PLPPR1: variants seen among roughly 807,000 people sequenced by gnomAD.
The protein encoded by PLPPR1 is phospholipid phosphatase-related protein type 1.
Under a neutral mutation model 33.1 loss-of-function variants are expected in PLPPR1, and 10 were observed. The observed-to-expected ratio is 0.30, with a 90% confidence interval of 0.19 to 0.51. The LOEUF (loss-of-function observed/expected upper bound fraction) is 0.51. PLPPR1 is among the 20% of genes least tolerant of loss of function. The pLI, the probability that PLPPR1 is intolerant of heterozygous loss-of-function variation, is 0.97. For synonymous variants in PLPPR1, 151 were observed against 151.0 expected, an observed-to-expected ratio of 1.00 and a Z score of 0.00; for missense variants, 304 against 408.1, an observed-to-expected ratio of 0.74 and a Z score of 2.20.
chr9:101,266,834 T>A (rs1828007315), intron 2 of PLPPR1, among the ~76,000 whole-genome samples: 1 of 152,194 alleles, frequency 6.6e-6, no homozygotes, highest in Non-Finnish European at 1.5e-5. Flanking sequence ...TATGTATAAG[T>A]TTTTGCTTTC....
At chr9:101,047,586 C>T (rs1830168952) in intron 1 of PLPPR1, among the ~76,000 whole-genome samples, 1 of 152,142 alleles carries the variant, frequency 6.6e-6, no homozygotes, top group African/African-American at 2.4e-5. Context: ...CCATCGTAAC[C>T]TTACAATGGT....
chr9:101,185,025 A>G (rs1826180332), intron 1 of PLPPR1: 1 of 152,402 alleles, frequency 6.6e-6, no homozygotes, highest in Non-Finnish European at 1.5e-5. Flanking sequence ...AGACCAGAGC[A>G]TAAACAGACA....
intron 4 of PLPPR1, among the ~76,000 whole-genome samples, chr9:101,307,925 G>A (rs1305910647): frequency 6.6e-6 from 1 of 152,276 alleles, no homozygotes; most frequent in East Asian, 1.9e-4. Flanking sequence ...CTTTCTCAGT[G>A]CATAGATGTA....
intron 1 of PLPPR1, among the ~76,000 whole-genome samples, chr9:101,037,740 A>G (rs1413513500): frequency 8.6e-5 from 13 of 150,902 alleles, no homozygotes; most frequent in African/African-American, 2.7e-4. Flanking sequence ...AAATAGAAAG[A>G]CCTTTTCATT....
intron 2 of PLPPR1, among the ~76,000 whole-genome samples, chr9:101,229,845 T>C (rs1827145468): frequency 6.6e-6 from 1 of 152,170 alleles, no homozygotes; most frequent in South Asian, 2.1e-4. Context: ...AGAGGCAATT[T>C]GACTATTGCC....
chr9:101,070,091 T>G (rs1347420405), intron 1 of PLPPR1, among the ~76,000 whole-genome samples: 1 of 152,106 alleles, frequency 6.6e-6, no homozygotes, highest in Non-Finnish European at 1.5e-5. Context: ...AGCAAATTAC[T>G]TTTGTCCCTA....
At chr9:101,217,706 A>G (rs1036902227) in intron 2 of PLPPR1, among the ~76,000 whole-genome samples, 10 of 152,230 alleles carry the variant, frequency 6.6e-5, no homozygotes, top group Non-Finnish European at 1.5e-4. Flanking sequence ...CCCATGAGCC[A>G]TAGTTTGTTG....
chr9:101,312,278 A>G (rs1828973470), intron 5 of PLPPR1, among the ~76,000 whole-genome samples: 1 of 149,530 alleles, frequency 6.7e-6, no homozygotes, highest in South Asian at 2.2e-4. Context: ...CTAACTCATC[A>G]GTCAACACTT....
intron 2 of PLPPR1, among the ~76,000 whole-genome samples, chr9:101,231,898 C>T (rs946162572): frequency 6.6e-6 from 1 of 152,000 alleles, no homozygotes; most frequent in Admixed American, 6.6e-5. Flanking sequence ...CATTATCTTC[C>T]TTACATATTT....
intron 1 of PLPPR1, among the ~76,000 whole-genome samples, chr9:101,055,612 T>G (rs1450929902): frequency 6.6e-6 from 1 of 152,248 alleles, no homozygotes. Flanking sequence ...CCCTTAGTAT[T>G]CTGCTTTAGA....
chr9:101,295,326 T>C (rs1249069928), intron 4 of PLPPR1, among the ~76,000 whole-genome samples: 9 of 151,800 alleles, frequency 5.9e-5, no homozygotes, highest in Non-Finnish European at 1.2e-4. Flanking sequence ...GGAAGAACAT[T>C]CCATGCTCAT....
At chr9:101,077,138 G>C (rs1279138776) in intron 1 of PLPPR1, among the ~76,000 whole-genome samples, 2 of 152,142 alleles carry the variant, frequency 1.3e-5, no homozygotes, top group Non-Finnish European at 2.9e-5. Context: ...GCCAAAGTTA[G>C]ACAGACTAAA....
intron 1 of PLPPR1, among the ~76,000 whole-genome samples, chr9:101,101,977 C>T (rs558373036): frequency 1.2e-4 from 18 of 152,146 alleles, no homozygotes; most frequent in African/African-American, 4.1e-4. Context: ...ATCACCTCTT[C>T]CATGCTGTTT....
intron 2 of PLPPR1, among the ~76,000 whole-genome samples, chr9:101,225,640 G>A (rs952589100): frequency 6.6e-6 from 1 of 152,120 alleles, no homozygotes; most frequent in Non-Finnish European, 1.5e-5. Context: ...GTCAGAATGA[G>A]TTGGTTTTGA....
chr9:101,238,343 A>G, intron 2 of PLPPR1, among the ~76,000 whole-genome samples: 1 of 101,934 alleles, frequency 9.8e-6, no homozygotes, highest in Non-Finnish European at 1.9e-5. Flanking sequence ...CTCTCTATAT[A>G]TAGAGGTGTA....
chr9:101,105,887 C>T (rs1369570769), intron 1 of PLPPR1, among the ~76,000 whole-genome samples: 1 of 140,424 alleles, frequency 7.1e-6, no homozygotes, highest in Admixed American at 7.1e-5. Context: ...TGAATTGATC[C>T]CTTTACCATT....
chr9:101,258,928 A>G (rs970657936), intron 2 of PLPPR1, among the ~76,000 whole-genome samples: 5 of 152,188 alleles, frequency 3.3e-5, no homozygotes, highest in Non-Finnish European at 7.3e-5. Context: ...TTGTATCACT[A>G]TACGTTTAAC....
At chr9:101,153,752 T>TTG (rs1491298434) in intron 1 of PLPPR1, among the ~76,000 whole-genome samples, 1 of 33,194 alleles carries the variant, frequency 3.0e-5, no homozygotes, top group Non-Finnish European at 6.4e-5. Flanking sequence ...TTTTTTTGTA[T>TTG]TTTTTTTTTT....
chr9:101,242,117 G>C (rs1037561329), intron 2 of PLPPR1, among the ~76,000 whole-genome samples: 2 of 151,982 alleles, frequency 1.3e-5, no homozygotes, highest in Non-Finnish European at 2.9e-5. Context: ...GGCACTAACA[G>C]CACCAACATG....
Sources: gnomAD v4.1 joint callset for allele counts (sites outside exome capture counted in the v4.1 genomes callset) on GRCh38, gnomAD v4.1.1 for gene constraint, MANE v1.5 for transcripts, NCBI Gene and HGNC (gene_info 2026-07-23, HGNC 2026-07-21) for gene names.